The following EXOC6 variants were observed in gnomAD, a reference collection of about 807,000 sequenced individuals.
The protein encoded by EXOC6 is exocyst complex component 6.
In EXOC6, 60 loss-of-function variants were observed where a neutral mutation model predicts 112.5. The ratio of observed to expected loss-of-function variants is 0.53; its 90% confidence interval spans 0.43 to 0.66. The LOEUF (loss-of-function observed/expected upper bound fraction) is 0.66, where lower values mean the gene tolerates loss of function less well. Among genes scored for constraint, EXOC6 ranks in the 30% least tolerant of loss-of-function variants. The pLI is 0.00. For synonymous variants in EXOC6, 295 were observed against 308.0 expected (o/e 0.96, Z 0.44); for missense variants, 855 against 957.1 (o/e 0.89, Z 1.41).
intron 1 of EXOC6, among the ~76,000 whole-genome samples, chr10:92,839,123 G>A (rs1009374583): frequency 5.3e-5 from 8 of 151,616 alleles, no homozygotes; most frequent in South Asian, 2.1e-4. Flanking sequence ...TGAAACTTAC[G>A]GGCAGGTAAA....
At chr10:92,913,654 C>T (rs1356880451) in intron 6 of EXOC6, among the ~76,000 whole-genome samples, 1 of 152,250 alleles carries the variant, frequency 6.6e-6, no homozygotes, top group East Asian at 1.9e-4. Flanking sequence ...TCACCCATTA[C>T]ACTACTGCCA....
At chr10:93,025,933 A>G (rs1301795380) in intron 20 of EXOC6, among the ~76,000 whole-genome samples, 1 of 152,212 alleles carries the variant, frequency 6.6e-6, no homozygotes, top group Non-Finnish European at 1.5e-5. Context: ...GATAACCACT[A>G]TCATGACTTT....
At chr10:93,016,410 G>T (rs1021764198) in intron 20 of EXOC6, among the ~76,000 whole-genome samples, 8 of 151,746 alleles carry the variant, frequency 5.3e-5, no homozygotes, top group African/African-American at 1.9e-4. Context: ...CAGAGTGCTG[G>T]GATTACAGGT....
rs143360250 is a variant in EXOC6 at position 92,908,694 on chromosome 10, T to G, written c.459-733T>G. Among the ~76,000 whole-genome samples the G allele has an allele frequency of 3.9e-3, 595 of 152,326 alleles. 4 individuals are homozygous for G. The highest frequency in any genetic ancestry group is 0.013 in the African/African-American group (548 of 41,576). On this transcript the variant is annotated intron_variant, in intron 5 of 21. Coordinates refer to ENST00000260762, the MANE Select transcript of EXOC6 (RefSeq NM_019053.6). ...CTACTTGTAATATCTGCCATAGAAG[T>G]GTACCTCATAGAAGTCTAAAGAGAA...
At chr10:92,848,442 C>A, upstream of EXOC6, 1 of 880,124 alleles carries the variant, frequency 1.1e-6, no homozygotes, top group Non-Finnish European at 1.4e-6. Context: ...CGCCCCGCCC[C>A]CGCCCCGCCC....
At chr10:92,849,203 G>T (rs1847206649) in intron 1 of EXOC6, among the ~76,000 whole-genome samples, 1 of 149,394 alleles carries the variant, frequency 6.7e-6, no homozygotes, top group South Asian at 2.1e-4. Context: ...AAGAGAGCGT[G>T]GGCTGGAGAA....
chr10:92,965,347 C>T (rs1356699998), intron 17 of EXOC6, among the ~76,000 whole-genome samples: 1 of 152,102 alleles, frequency 6.6e-6, no homozygotes, highest in Non-Finnish European at 1.5e-5. Context: ...ATATTTAATT[C>T]TTACACATTG....
At chr10:93,032,947 A>G (rs377479412) in intron 20 of EXOC6, among the ~76,000 whole-genome samples, 208 of 152,318 alleles carry the variant, frequency 1.4e-3, no homozygotes, top group African/African-American at 4.7e-3. Context: ...GGCAGAGGGA[A>G]GAGCAAGAGC....
chr10:92,964,188 TTCTTTTG>T (rs1854174361), intron 17 of EXOC6, among the ~76,000 whole-genome samples: 1 of 151,704 alleles, frequency 6.6e-6, no homozygotes, highest in African/African-American at 2.4e-5. Flanking sequence ...ATAAAACAAC[TTCTTTTG>T]ATTGCCACAT....
chr10:92,876,365 G>T (rs1175826595), intron 1 of EXOC6, among the ~76,000 whole-genome samples: 1 of 152,094 alleles, frequency 6.6e-6, no homozygotes. Context: ...AGCAAAGAAG[G>T]TACCATTGTT....
At chr10:92,972,907 G>A (rs368710605) in intron 17 of EXOC6, among the ~76,000 whole-genome samples, 19 of 152,246 alleles carry the variant, frequency 1.2e-4, no homozygotes, top group African/African-American at 4.6e-4. Context: ...TATGTATGTG[G>A]CCGTTTAGAT....
chr10:92,896,059 G>GTATA (rs71028855), intron 4 of EXOC6, among the ~76,000 whole-genome samples: 1 of 64,246 alleles, frequency 1.6e-5, no homozygotes, highest in Non-Finnish European at 2.7e-5. Context: ...ATATATATGT[G>GTATA]TATATATATG....
intron 1 of EXOC6, among the ~76,000 whole-genome samples, chr10:92,837,784 G>A (rs1025240527): frequency 6.6e-6 from 1 of 152,200 alleles, no homozygotes; most frequent in Admixed American, 6.5e-5. Context: ...AATGAACAGT[G>A]AGAGAAAGGT....
chr10:92,967,109 A>G (rs1481688899), intron 17 of EXOC6, among the ~76,000 whole-genome samples: 2 of 151,670 alleles, frequency 1.3e-5, no homozygotes, highest in East Asian at 1.9e-4. Context: ...GTCTGGTCAT[A>G]TCCTTCGCCC....
intron 1 of EXOC6, among the ~76,000 whole-genome samples, chr10:92,888,210 T>C (rs368531683): frequency 1.3e-4 from 20 of 152,310 alleles, no homozygotes; most frequent in African/African-American, 4.8e-4. Context: ...TTTCTATTAA[T>C]GGAGGGTGGG....
Position 92,955,660 on chromosome 10 carries a change from T to A in EXOC6, c.1719T>A (p.Asn573Lys). Reference sequence around the variant, plus strand: ...AGGACTTTATAACTAACATTACAAATATTTCCCAAGAAACTGTTCATACTA... The same window carrying A: ...AGGACTTTATAACTAACATTACAAAAATTTCCCAAGAAACTGTTCATACTA... Reference protein sequence around the residue: ...YLEDFITNITNISQETVHTTR... With the variant: ...YLEDFITNITKISQETVHTTR... The change falls in exon 17 of 22, where the codon AAT (asparagine) becomes AAA (lysine). Residue 573 changes from asparagine (N) to lysine (K), a missense_variant. Physicochemically the swap from Asn to Lys is moderately conservative, Grantham distance 94. Transcript: ENST00000260762. 1 of 1,612,082 alleles carries A rather than the reference T, an allele frequency of 6.2e-7. No homozygotes were observed. The highest frequency in any genetic ancestry group is 1.3e-5 in the African/African-American group (1 of 74,982).
In EXOC6 at chr10:92,935,817, T is replaced by A. The variant is rs1258528636; in HGVS notation, c.1144T>A (p.Tyr382Asn). ...IIAVLRAHSS[Y>N]CTDPDLVLEL... is the part of the protein sequence containing the mutation. The stretch of plus-strand genomic sequence containing the variant: ...GTTTGTGTGTTTCCACCCTCAGTCC[T>A]ATTGCACTGATCCTGATCTTGTTCT... The change falls in exon 12 of 22, where the codon TAT becomes AAT. Residue 382 changes from tyrosine (Y) to asparagine (N), a missense_variant. Physicochemically the swap from Tyr to Asn is moderately radical, Grantham distance 143 (BLOSUM62 -2). This residue lies in a region of EXOC6 where 450 missense variants were observed against 563.5 expected (regional missense o/e 0.80). Coordinates refer to ENST00000260762, the MANE Select transcript of EXOC6 (RefSeq NM_019053.6). 1 of 1,604,760 alleles carries A rather than the reference T, an allele frequency of 6.2e-7. No individual in the cohort carries two copies. The highest frequency in any genetic ancestry group is 1.1e-5 in the South Asian group (1 of 90,644).
At chr10:93,006,326 C>T (rs1028452201) in intron 19 of EXOC6, among the ~76,000 whole-genome samples, 2 of 152,168 alleles carry the variant, frequency 1.3e-5, no homozygotes, top group African/African-American at 4.8e-5. Flanking sequence ...AAGAATATTT[C>T]AGTGCCTTTT....
chr10:92,877,577 A>G (rs1321258649), intron 1 of EXOC6, among the ~76,000 whole-genome samples: 1 of 152,146 alleles, frequency 6.6e-6, no homozygotes, highest in African/African-American at 2.4e-5. Context: ...TGTTATTTAT[A>G]TTCTGCTTTT....
Sources: allele counts gnomAD v4.1 joint callset (sites outside exome capture counted in the v4.1 genomes callset), GRCh38; gene constraint gnomAD v4.1.1; regional missense constraint gnomAD v4.1.1; transcripts MANE v1.5; gene names NCBI Gene and HGNC (gene_info 2026-07-23, HGNC 2026-07-21).